The following SPECC1L variants were observed in gnomAD, a reference collection of about 807,000 sequenced individuals.
SPECC1L encodes the protein sperm antigen with calponin homology and coiled-coil domains 1 like.
SPECC1L carries 40 observed loss-of-function variants against 116.8 expected under a neutral mutation model. The observed-to-expected ratio is 0.34, with a 90% CI of 0.27 to 0.45. The LOEUF is 0.45. Among genes scored for constraint, SPECC1L ranks in the 20% least tolerant of loss-of-function variants. The pLI is 1.00. For missense variants in SPECC1L, 1,110 were observed against 1,373.6 expected (o/e 0.81, Z 3.03); for synonymous variants, 504 against 500.6 (o/e 1.01, Z -0.09).
At position 24,365,580 on chromosome 22, in the gene SPECC1L, C is replaced by G; in HGVS notation, c.2932C>G (p.Leu978Val). ...AMGTTSPQLS[L>V]SSSPTASVTP... ...GGGAACCACGTCTCCACAGCTTTCC[C>G]TGTCCTCTTCTCCAACGGCATCTGT... The change falls in exon 13 of 17, where the codon CTG becomes GTG. Residue 978 changes from leucine to valine, a missense_variant. Physicochemically the swap from Leu to Val is conservative, Grantham distance 32. Around this residue, in one of 4 missense-constraint regions of SPECC1L, gnomAD observed 575 missense variants for 682.4 expected, o/e 0.84. Transcript: ENST00000314328. 1 of 1,614,184 alleles carries G rather than the reference C, an allele frequency of 6.2e-7. No individual in the cohort carries two copies. Among genetic ancestry groups the G allele is most frequent in the Non-Finnish European group, 8.5e-7 (1 of 1,180,026 alleles).
chr22:24,393,012 C>G (rs2042301125), intron 14 of SPECC1L, among the ~76,000 whole-genome samples: 1 of 152,214 alleles, frequency 6.6e-6, no homozygotes, highest in South Asian at 2.1e-4. Flanking sequence ...GAGGGAGAGA[C>G]AGGCATAAGC....
At chr22:24,295,062 T>C (rs2049232802) in intron 2 of SPECC1L, among the ~76,000 whole-genome samples, 1 of 151,736 alleles carries the variant, frequency 6.6e-6, no homozygotes, top group Non-Finnish European at 1.5e-5. Flanking sequence ...TAAAGGAAAC[T>C]CTGGAGCTTC....
At chr22:24,328,796 T>C (rs202114895) in intron 6 of SPECC1L, 50 bp from the exon 7 acceptor site, 41 of 1,418,650 alleles carry the variant, frequency 2.9e-5, no homozygotes, top group Non-Finnish European at 3.7e-5. Flanking sequence ...GTATTATTAC[T>C]CTGAAGATTG....
At chr22:24,402,802 A>G (rs2042506168) in intron 14 of SPECC1L, among the ~76,000 whole-genome samples, 1 of 152,270 alleles carries the variant, frequency 6.6e-6, no homozygotes, top group Non-Finnish European at 1.5e-5. Context: ...AGCTATTTAA[A>G]GAGCATGTGG....
intron 2 of SPECC1L, among the ~76,000 whole-genome samples, chr22:24,298,609 A>G (rs1164027703): frequency 6.6e-6 from 1 of 152,242 alleles, no homozygotes; most frequent in Admixed American, 6.5e-5. Flanking sequence ...CACCGATGTA[A>G]GTTTCTGTCT....
chr22:24,371,980 G>A (rs1324669255), intron 14 of SPECC1L, among the ~76,000 whole-genome samples: 4 of 152,118 alleles, frequency 2.6e-5, no homozygotes, highest in Non-Finnish European at 4.4e-5. Flanking sequence ...CTCAGCCTCC[G>A]AAACTGCTGG....
chr22:24,364,077 G>C (rs2041699596), intron 12 of SPECC1L, among the ~76,000 whole-genome samples: 1 of 152,148 alleles, frequency 6.6e-6, no homozygotes, highest in Non-Finnish European at 1.5e-5. Flanking sequence ...AAGAATCTGA[G>C]GTCAGGAACT....
intron 14 of SPECC1L, among the ~76,000 whole-genome samples, chr22:24,392,458 G>T (rs2067725770): frequency 6.6e-6 from 1 of 152,216 alleles, no homozygotes; most frequent in African/African-American, 2.4e-5. Flanking sequence ...GAGTTCAACA[G>T]GTTGATTTCA....
chr22:24,349,465 T>C (rs1414936814), intron 11 of SPECC1L, among the ~76,000 whole-genome samples: 1 of 152,254 alleles, frequency 6.6e-6, no homozygotes, highest in African/African-American at 2.4e-5. Flanking sequence ...AATACTATTT[T>C]TGTGCTGAGG....
At chr22:24,372,617 A>G (rs1242164819) in intron 14 of SPECC1L, among the ~76,000 whole-genome samples, 1 of 152,230 alleles carries the variant, frequency 6.6e-6, no homozygotes, top group East Asian at 1.9e-4. Context: ...TATTGATGGG[A>G]CGTATCTCAA....
At chr22:24,414,452 G>T in intron 16 of SPECC1L, 82 bp from the exon 17 acceptor site, 1 of 1,126,208 alleles carries the variant, frequency 8.9e-7, no homozygotes. Flanking sequence ...AACTCCAAGA[G>T]CCCATGTTGC....
In SPECC1L at chr22:24,321,290, A is replaced by G. The variant is rs140178777; in HGVS notation, c.310A>G (p.Thr104Ala). The G allele has an allele frequency of 3.8e-4, 618 of 1,613,818 alleles. 5 individuals carry two copies. The African/African-American group carries it at 7.1e-3, about 18-fold the overall frequency. Residue 104 changes from threonine to alanine, a missense_variant and splice_region_variant, in exon 5 of 17, where the codon ACA becomes GCA. This residue lies in a region of SPECC1L where 437 missense variants were observed against 482.6 expected (regional missense o/e 0.91). Coordinates refer to ENST00000314328, the MANE Select transcript of SPECC1L (RefSeq NM_015330.6). ...CATTTTTTGTATTAAACACATAGGC[A>G]CAGCTTCTTCAACCAAGCGGAGCAC... The part of the protein sequence containing the change: ...VENKSKISTG[T>A]ASSTKRSTST...
In SPECC1L at chr22:24,416,304, G is replaced by A. The variant is rs1043066; in HGVS notation, c.*1681G>A. ...TGCTGCCGCTGGCTGGATGCCCTTT[G>A]GTGAAATGCCTGTTTTCAGCTAAGA... is the stretch of plus-strand genomic sequence containing the variant. On this transcript the variant is annotated 3_prime_UTR_variant, in exon 17 of 17. Transcript: ENST00000314328. 0.037 allele frequency: 5,583 copies of A among 152,288 alleles called. 134 individuals are homozygous for A. Among genetic ancestry groups the A allele is most frequent in the Middle Eastern group, 0.071 (21 of 294 alleles). 9.4% of individuals were successfully genotyped at this position (152,288 alleles called of 1,614,324 possible). A position where few individuals can be genotyped will look rare whatever the true frequency, so the allele number is the denominator to read the frequency against.
At chr22:24,412,300 C>G (rs922357756) in intron 15 of SPECC1L, 3 of 395,990 alleles carry the variant, frequency 7.6e-6, no homozygotes, top group Non-Finnish European at 1.4e-5. Context: ...AGACAACCCT[C>G]GAAGATCCCT....
At chr22:24,340,859 G>T (rs2041163603) in intron 10 of SPECC1L, among the ~76,000 whole-genome samples, 1 of 152,104 alleles carries the variant, frequency 6.6e-6, no homozygotes, top group Non-Finnish European at 1.5e-5. Context: ...AACTCCCTGG[G>T]TAGGAATTCT....
chr22:24,412,250 C>A (rs546873532), intron 15 of SPECC1L: 22 of 371,288 alleles, frequency 5.9e-5, no homozygotes, highest in Middle Eastern at 9.3e-4. Context: ...CAGCCCCCAC[C>A]CCAGTCCCCT....
At chr22:24,364,126 G>A (rs1458832646) in intron 12 of SPECC1L, among the ~76,000 whole-genome samples, 5 of 152,094 alleles carry the variant, frequency 3.3e-5, no homozygotes, top group African/African-American at 4.8e-5. Flanking sequence ...TCAGCCCTGC[G>A]TTCTGATTAC....
intron 14 of SPECC1L, among the ~76,000 whole-genome samples, chr22:24,399,937 A>G (rs2042440125): frequency 6.6e-6 from 1 of 152,222 alleles, no homozygotes; most frequent in Non-Finnish European, 1.5e-5. Context: ...CATAGAATCC[A>G]TGCTCATGCA....
chr22:24,324,032 G>A (rs1329798439), intron 5 of SPECC1L, among the ~76,000 whole-genome samples, 188 bp from the exon 6 acceptor site: 2 of 152,166 alleles, frequency 1.3e-5, no homozygotes, highest in African/African-American at 4.8e-5. Flanking sequence ...AACAGTTTAA[G>A]TGTATTAGAT....
Sources: gnomAD v4.1 joint callset for allele counts (sites outside exome capture counted in the v4.1 genomes callset) on GRCh38, gnomAD v4.1.1 for gene constraint, gnomAD v4.1.1 regional missense constraint, MANE v1.5 for transcripts, NCBI Gene and HGNC (gene_info 2026-07-23, HGNC 2026-07-21) for gene names.